The following HSPA12A variants were observed in gnomAD, a reference collection of about 807,000 sequenced individuals.
The protein encoded by HSPA12A is heat shock 70 kDa protein 12A.
A neutral mutation model predicts 69.2 loss-of-function variants in HSPA12A; 28 were observed. The observed-to-expected ratio is 0.40, with a 90% confidence interval of 0.30 to 0.55. The LOEUF (loss-of-function observed/expected upper bound fraction) is 0.55, where lower values mean the gene tolerates loss of function less well. Among genes scored for constraint, HSPA12A ranks in the 20% least tolerant of loss-of-function variants. HSPA12A has a pLI of 0.38. For synonymous variants in HSPA12A, 345 were observed against 370.5 expected, an observed-to-expected ratio of 0.93 and a Z score of 0.79; for missense variants, 686 against 900.7, an observed-to-expected ratio of 0.76 and a Z score of 3.05.
At chr10:116,811,619 G>A (rs1426130695) in intron 2 of HSPA12A, among the ~76,000 whole-genome samples, 1 of 145,334 alleles carries the variant, frequency 6.9e-6, no homozygotes, top group Non-Finnish European at 1.5e-5. Context: ...TGGCCTTGCC[G>A]TCCCCATCCC....
At chr10:116,818,804 A>C (rs1273210335) in intron 2 of HSPA12A, among the ~76,000 whole-genome samples, 1 of 152,202 alleles carries the variant, frequency 6.6e-6, no homozygotes, top group African/African-American at 2.4e-5. Context: ...CAGTGAGTGT[A>C]AAAATCAAAA....
At position 116,726,027 on chromosome 10, in the gene HSPA12A, G is replaced by GCGCGCACACACACACACACACA. The variant is rs140160132; in HGVS notation, c.40+16402_40+16403insTGTGTGTGTGTGTGTGTGCGCG. ...ACAAGGTTTAGACACACACACACACGCACACACACACACACACACACACAC... is the reference window on the plus strand; with the variant it reads ...ACAAGGTTTAGACACACACACACACGCGCGCACACACACACACACACACACACACACACACACACACACACAC... On this transcript the variant is annotated intron_variant, in intron 1 of 11. Coordinates refer to ENST00000369209, the MANE Select transcript of HSPA12A (RefSeq NM_025015.3). Among the ~76,000 whole-genome samples, 5 of 146,222 alleles carry GCGCGCACACACACACACACACA rather than the reference G, an allele frequency of 3.4e-5. No homozygotes were observed. In the South Asian group the frequency reaches 8.8e-4, roughly 26 times the overall value.
At chr10:116,690,989 C>T (rs1194208522) in intron 6 of HSPA12A, among the ~76,000 whole-genome samples, 1 of 152,224 alleles carries the variant, frequency 6.6e-6, no homozygotes, top group Non-Finnish European at 1.5e-5. Flanking sequence ...TTTCTGGGCC[C>T]TGCCGGAAGG....
chr10:116,762,493 A>G (rs190374700), intron 2 of HSPA12A, among the ~76,000 whole-genome samples: 38 of 151,926 alleles, frequency 2.5e-4, no homozygotes, highest in Non-Finnish European at 3.5e-4. Context: ...CTCCTACTCC[A>G]CATCCTCTGC....
chr10:116,785,874 TTCCCCCCC>T (rs1487701271), intron 2 of HSPA12A, among the ~76,000 whole-genome samples: 1 of 150,576 alleles, frequency 6.6e-6, no homozygotes, highest in Non-Finnish European at 1.5e-5. Context: ...TTCCTCCTAT[TTCCCCCCC>T]TCCCCTCACC....
Position 116,701,119 on chromosome 10 carries a change from C to T in HSPA12A, c.265G>A (p.Gly89Arg), listed in dbSNP as rs1187005489. 1.9e-6 allele frequency: 3 copies of T among 1,612,978 alleles called. No homozygotes were observed. Among genetic ancestry groups the T allele is most frequent in the Non-Finnish European group, 2.5e-6 (3 of 1,179,696 alleles). The change falls in exon 4 of 12, where the codon GGA (glycine) becomes AGA (arginine). Residue 89 changes from glycine to arginine, a missense_variant. Physicochemically the swap from Gly to Arg is moderately radical, Grantham distance 125 (BLOSUM62 -2). Coordinates refer to ENST00000369209, the MANE Select transcript of HSPA12A (RefSeq NM_025015.3). ...TGATTGGACACACCAGGGTCACCTC[C>T]CTCCCATCGCCTGCCACCAAGGGAA... Reference protein sequence around the residue: ...ECIHVMRRWEGGDPGVSNQKT... With the variant: ...ECIHVMRRWERGDPGVSNQKT...
At chr10:116,766,977 G>A (rs956322475) in intron 2 of HSPA12A, among the ~76,000 whole-genome samples, 14 of 152,208 alleles carry the variant, frequency 9.2e-5, no homozygotes, top group African/African-American at 3.4e-4. Context: ...CGGAGGGGAA[G>A]TGGAGACGCA....
chr10:116,825,307 C>T (rs1488936420), intron 2 of HSPA12A, among the ~76,000 whole-genome samples: 2 of 151,748 alleles, frequency 1.3e-5, no homozygotes, highest in Non-Finnish European at 2.9e-5. Flanking sequence ...CTCAGGAGTT[C>T]AAGACCAGCC....
In HSPA12A at chr10:116,713,543, C is replaced by T. The variant is rs797039212; in HGVS notation, c.41-6258G>A. 5.9e-5 allele frequency among the ~76,000 whole-genome samples: 9 copies of T among 152,292 alleles called. No homozygotes were observed. The South Asian group carries it at 1.0e-3, about 18-fold the overall frequency. On this transcript the variant is annotated intron_variant, in intron 1 of 11. Transcript: ENST00000369209. ...AGCAACTTCTTGTTACCCCTCCTAC[C>T]TCCCTGAATAGTCCAAGAGATGAAA...
At chr10:116,850,428 G>A (rs1846044410), upstream of HSPA12A, among the ~76,000 whole-genome samples, 1 of 152,100 alleles carries the variant, frequency 6.6e-6, no homozygotes, top group Non-Finnish European at 1.5e-5. Context: ...TCTCTGCCCA[G>A]CCCTGAGATC....
intron 1 of HSPA12A, among the ~76,000 whole-genome samples, chr10:116,711,833 T>A (rs78342012): frequency 2.7e-5 from 3 of 112,384 alleles, no homozygotes; most frequent in African/African-American, 1.2e-4. Flanking sequence ...CCAGCTAATG[T>A]TTTTTTTTTT....
At chr10:116,714,092 T>G (rs925017325) in intron 1 of HSPA12A, among the ~76,000 whole-genome samples, 1 of 151,298 alleles carries the variant, frequency 6.6e-6, no homozygotes, top group Non-Finnish European at 1.5e-5. Flanking sequence ...AGTGGATGGA[T>G]GGACGGATGG....
At chr10:116,822,662 T>C (rs1265639988) in intron 2 of HSPA12A, among the ~76,000 whole-genome samples, 1 of 152,114 alleles carries the variant, frequency 6.6e-6, no homozygotes, top group African/African-American at 2.4e-5. Context: ...CAGAGAGAGG[T>C]TCTGAATTCA....
rs544141133 is a variant in HSPA12A at position 116,798,163 on chromosome 10, T to C, written c.91+36772A>G. 1.5e-4 allele frequency among the ~76,000 whole-genome samples: 16 copies of C among 107,304 alleles called. No homozygotes were observed. In the East Asian group the frequency reaches 3.9e-3, roughly 26 times the overall value. The allele number at this position is 107,304 out of a possible 152,430, so 70.4% of individuals were successfully genotyped here. A position where few individuals can be genotyped will look rare whatever the true frequency, so the allele number is the denominator to read the frequency against. ...ACTGGACTTCCCTCAATGTGGACGGTAGAGGGGCGGGGCGGTGGGGCGGGG... is the reference window on the plus strand; with the variant it reads ...ACTGGACTTCCCTCAATGTGGACGGCAGAGGGGCGGGGCGGTGGGGCGGGG... On this transcript the variant is annotated intron_variant, in intron 2 of 12. Transcript: ENST00000635765.
chr10:116,845,487 TA>T (rs1311681973), intron 1 of HSPA12A, among the ~76,000 whole-genome samples: 1 of 152,156 alleles, frequency 6.6e-6, no homozygotes, highest in Admixed American at 6.5e-5. Flanking sequence ...CATGGAATGT[TA>T]ACAATCATGA....
intron 1 of HSPA12A, among the ~76,000 whole-genome samples, chr10:116,839,470 G>A (rs532393529): frequency 1.3e-5 from 2 of 151,980 alleles, no homozygotes; most frequent in South Asian, 4.2e-4. Context: ...AGTTTGACAG[G>A]GATCACAGCT....
At chr10:116,727,355 C>A (rs1373309945) in intron 1 of HSPA12A, among the ~76,000 whole-genome samples, 1 of 152,200 alleles carries the variant, frequency 6.6e-6, no homozygotes, top group Non-Finnish European at 1.5e-5. Context: ...TCTAGGTGGC[C>A]TCTCCAGCAG....
At chr10:116,793,317 T>G (rs1411360829) in intron 2 of HSPA12A, among the ~76,000 whole-genome samples, 1 of 152,212 alleles carries the variant, frequency 6.6e-6, no homozygotes, top group African/African-American at 2.4e-5. Context: ...ACGCCTGTAA[T>G]CCCAACATGT....
At chr10:116,687,891 T>G (rs538993924) in intron 6 of HSPA12A, among the ~76,000 whole-genome samples, 1 of 152,354 alleles carries the variant, frequency 6.6e-6, no homozygotes, top group South Asian at 2.1e-4. Context: ...GCCAAGCTTG[T>G]CCAACCCATG....
Sources: gnomAD v4.1 joint callset for allele counts (sites outside exome capture counted in the v4.1 genomes callset) on GRCh38, gnomAD v4.1.1 for gene constraint, MANE v1.5 for transcripts, NCBI Gene and HGNC (gene_info 2026-07-23, HGNC 2026-07-21) for gene names.